METTL6: variants seen among roughly 807,000 people sequenced by gnomAD.
METTL6 encodes the protein methyltransferase 6, tRNA N3-cytidine.
In METTL6, 22 loss-of-function variants were observed where a neutral mutation model predicts 26.4. The observed-to-expected ratio is 0.83, with a 90% CI of 0.59 to 1.19. METTL6 has a LOEUF of 1.19. METTL6 is among the 50% of genes most tolerant of loss of function. The pLI, the probability that METTL6 is intolerant of heterozygous loss-of-function variation, is 0.00. For missense variants in METTL6, 304 were observed against 324.8 expected, an observed-to-expected ratio of 0.94 and a Z score of 0.49; for synonymous variants, 109 against 116.2, an observed-to-expected ratio of 0.94 and a Z score of 0.40.
At chr3:15,416,607 C>T (rs903989062) in intron 3 of METTL6, among the ~76,000 whole-genome samples, 2 of 152,116 alleles carry the variant, frequency 1.3e-5, no homozygotes, top group African/African-American at 2.4e-5. Context: ...AGCCTAAACC[C>T]TATGAGAAGC....
chr3:15,426,826 C>T (rs1421935434), intron 1 of METTL6, among the ~76,000 whole-genome samples, 191 bp from the exon 2 acceptor site: 1 of 152,218 alleles, frequency 6.6e-6, no homozygotes, highest in Non-Finnish European at 1.5e-5. Flanking sequence ...GCCAGACTAT[C>T]TCATGCACCA....
chr3:15,411,565 T>G lies in METTL6; in HGVS notation c.674-128A>C, dbSNP rs531686539. On this transcript the variant is annotated intron_variant, in intron 5 of 5. Transcript: ENST00000383790. ...TTAAATGAAAACCTCAATGCTAAAA[T>G]TTAAAGGTTTTGATTTGGGAACTAA... The G allele has an allele frequency of 3.6e-5, 33 of 904,386 alleles. No homozygotes were observed. The African/African-American group carries it at 4.8e-4, about 13-fold the overall frequency. The allele number at this position is 904,386 out of a possible 1,614,324, so 56.0% of individuals were successfully genotyped here. A position where few individuals can be genotyped will look rare whatever the true frequency, so the allele number is the denominator to read the frequency against.
chr3:15,403,513 C>G (rs1290061677), intron 6 of METTL6, among the ~76,000 whole-genome samples: 1 of 152,174 alleles, frequency 6.6e-6, no homozygotes, highest in South Asian at 2.1e-4. Context: ...ATGACAGTGA[C>G]AGTTATGGCA....
chr3:15,424,173 T>A (rs994766130), intron 3 of METTL6, among the ~76,000 whole-genome samples: 3 of 152,090 alleles, frequency 2.0e-5, no homozygotes, highest in African/African-American at 7.2e-5. Context: ...AGAACCCATC[T>A]CTAAAAAAAG....
intron 3 of METTL6, among the ~76,000 whole-genome samples, chr3:15,420,927 G>A (rs973900778): frequency 3.3e-5 from 5 of 152,184 alleles, no homozygotes; most frequent in African/African-American, 1.2e-4. Context: ...CTTTCAAATG[G>A]CAGCTTATTA....
chr3:15,419,867 T>TC lies in METTL6; in HGVS notation c.361-3926_361-3925insG, dbSNP rs202035899. On this transcript the variant is annotated intron_variant, in intron 3 of 5. Coordinates refer to ENST00000383790, the MANE Select transcript of METTL6 (RefSeq NM_152396.4). ...AAATAGGGTAACTGTTTTTCTTTTTTTTTTTTTTTTTTGAGACAGAGTCTC... is the reference window on the plus strand; with the variant it reads ...AAATAGGGTAACTGTTTTTCTTTTTTCTTTTTTTTTTTTGAGACAGAGTCTC... Among the ~76,000 whole-genome samples, 432 of 150,204 alleles carry TC rather than the reference T, an allele frequency of 2.9e-3. 3 individuals are homozygous for TC. The highest frequency in any genetic ancestry group is 4.4e-3 in the Non-Finnish European group (297 of 67,390).
intron 3 of METTL6, among the ~76,000 whole-genome samples, chr3:15,420,786 G>A (rs2061595271): frequency 6.6e-6 from 1 of 152,162 alleles, no homozygotes; most frequent in African/African-American, 2.4e-5. Flanking sequence ...AGGAAAGACT[G>A]TTCTTAAAAA....
At chr3:15,397,303 C>T (rs1559481575) in intron 6 of METTL6, among the ~76,000 whole-genome samples, 1 of 152,206 alleles carries the variant, frequency 6.6e-6, no homozygotes, top group African/African-American at 2.4e-5. Flanking sequence ...ATATAATCTC[C>T]TGGTGTGCCG....
At chr3:15,426,148 C>T (rs1022808660) in intron 2 of METTL6, 139 bp downstream of exon 2, 2 of 748,550 alleles carry the variant, frequency 2.7e-6, no homozygotes, top group Non-Finnish European at 2.2e-6. Flanking sequence ...ATCATGTTGG[C>T]CAGGATGGTC....
At chr3:15,394,556 CT>C (rs1699436275) in intron 6 of METTL6, among the ~76,000 whole-genome samples, 1 of 152,152 alleles carries the variant, frequency 6.6e-6, no homozygotes, top group South Asian at 2.1e-4. Context: ...AATATGTTTG[CT>C]CTTGCTTCTC....
intron 6 of METTL6, among the ~76,000 whole-genome samples, chr3:15,389,701 C>A (rs1699291433): frequency 6.6e-6 from 1 of 152,084 alleles, no homozygotes; most frequent in Non-Finnish European, 1.5e-5. Flanking sequence ...AGGCATGCGC[C>A]ACCACGCCCG....
At chr3:15,406,740 A>C (rs1218189895), downstream of METTL6, among the ~76,000 whole-genome samples, 3 of 149,110 alleles carry the variant, frequency 2.0e-5, no homozygotes, top group Non-Finnish European at 4.5e-5. Context: ...GCCACCTCCC[A>C]GGTTCCTGCC....
intron 2 of METTL6, among the ~76,000 whole-genome samples, chr3:15,425,546 A>G (rs1454303140): frequency 5.9e-5 from 9 of 152,240 alleles, no homozygotes; most frequent in Non-Finnish European, 1.0e-4. Context: ...GAAGTCACTT[A>G]GCATGAATTT....
At chr3:15,404,387 G>A (rs770433104) in intron 6 of METTL6, among the ~76,000 whole-genome samples, 18 of 152,180 alleles carry the variant, frequency 1.2e-4, no homozygotes, top group Non-Finnish European at 2.1e-4. Context: ...TTGTCACACA[G>A]GCTGGAGTAC....
chr3:15,391,421 T>C (rs915554573), intron 6 of METTL6, among the ~76,000 whole-genome samples: 1 of 152,134 alleles, frequency 6.6e-6, no homozygotes, highest in African/African-American at 2.4e-5. Context: ...TAATCCTCCA[T>C]GCACATTTTT....
In METTL6 at chr3:15,427,297, G is replaced by C. The variant is rs146392349; in HGVS notation, c.-125+105C>G. The C allele has an allele frequency of 7.3e-5, 14 of 190,566 alleles. No homozygotes were observed. In the East Asian group the frequency reaches 2.3e-3, roughly 32 times the overall value. 11.8% of individuals were successfully genotyped at this position (190,566 alleles called of 1,614,324 possible). A position where few individuals can be genotyped will look rare whatever the true frequency, so the allele number is the denominator to read the frequency against. On this transcript the variant is annotated intron_variant, in intron 1 of 5. Transcript: ENST00000383790. Reference sequence around the variant, plus strand: ...TGGGCCCCTAGACCCTGAGGAGGGCGTCCATGATGGCTAGCCGACCCGCGT... The same window carrying C: ...TGGGCCCCTAGACCCTGAGGAGGGCCTCCATGATGGCTAGCCGACCCGCGT...
At chr3:15,398,570 A>T (rs78017157) in intron 6 of METTL6, among the ~76,000 whole-genome samples, 3,230 of 152,264 alleles carry the variant, frequency 0.021, 99 homozygotes, top group African/African-American at 0.072. Flanking sequence ...GTTCCAGGCC[A>T]GCCACCATGG....
chr3:15,409,368 T>G (rs1699885479), downstream of METTL6, among the ~76,000 whole-genome samples: 1 of 152,102 alleles, frequency 6.6e-6, no homozygotes, highest in Admixed American at 6.6e-5. Flanking sequence ...CAGGCTCAAC[T>G]CGTGAGCAGA....
At chr3:15,421,071 A>T (rs1392798885) in intron 3 of METTL6, among the ~76,000 whole-genome samples, 1 of 152,202 alleles carries the variant, frequency 6.6e-6, no homozygotes, top group East Asian at 1.9e-4. Context: ...CAGGATAAAG[A>T]AGAACGGGTG....
Sources: gnomAD v4.1 joint callset for allele counts (sites outside exome capture counted in the v4.1 genomes callset) on GRCh38, gnomAD v4.1.1 for gene constraint, MANE v1.5 for transcripts, NCBI Gene and HGNC (gene_info 2026-07-23, HGNC 2026-07-21) for gene names.